The following DPP10 variants were observed in gnomAD, a reference collection of about 807,000 sequenced individuals.
DPP10 encodes the protein inactive dipeptidyl peptidase 10.
In DPP10, 33 loss-of-function variants were observed where a neutral mutation model predicts 120.9. The observed-to-expected ratio is 0.27, with a 90% CI of 0.21 to 0.37. The LOEUF is 0.37. DPP10 is among the 10% of genes least tolerant of loss of function. The pLI, the probability that DPP10 is intolerant of heterozygous loss-of-function variation, is 1.00. For missense variants in DPP10, 816 were observed against 942.8 expected (o/e 0.87, Z 1.76); for synonymous variants, 337 against 326.1 (o/e 1.03, Z -0.36).
At chr2:115,804,931 T>C (rs1685738500) in intron 19 of DPP10, among the ~76,000 whole-genome samples, 1 of 152,220 alleles carries the variant, frequency 6.6e-6, no homozygotes, top group African/African-American at 2.4e-5. Context: ...AGCTGCATGC[T>C]GGGAAAACTA....
At chr2:114,598,195 G>C (rs886885061) in intron 1 of DPP10, among the ~76,000 whole-genome samples, 1 of 151,922 alleles carries the variant, frequency 6.6e-6, no homozygotes, top group Non-Finnish European at 1.5e-5. Flanking sequence ...ATATGATACA[G>C]GGCTAAAGTG....
intron 1 of DPP10, among the ~76,000 whole-genome samples, chr2:115,096,222 G>A (rs561474763): frequency 3.9e-5 from 6 of 152,166 alleles, no homozygotes; most frequent in East Asian, 1.9e-4. Context: ...TAAAGCAGAC[G>A]TAAATAATAT....
intron 1 of DPP10, among the ~76,000 whole-genome samples, chr2:114,862,905 A>G (rs1689932786): frequency 1.1e-5 from 1 of 91,810 alleles, no homozygotes; most frequent in South Asian, 4.9e-4. Flanking sequence ...CAAAAAAAAA[A>G]AAAAAAAACC....
intron 3 of DPP10, among the ~76,000 whole-genome samples, chr2:115,493,568 A>G (rs1371511318): frequency 2.0e-5 from 3 of 151,864 alleles, no homozygotes; most frequent in Non-Finnish European, 2.9e-5. Flanking sequence ...TTGTTTAGAT[A>G]GCAATTGAGA....
At chr2:115,004,922 G>A (rs1701708307) in intron 1 of DPP10, among the ~76,000 whole-genome samples, 1 of 152,138 alleles carries the variant, frequency 6.6e-6, no homozygotes, top group Non-Finnish European at 1.5e-5. Context: ...GCAGGGCACA[G>A]ACAAACAAAA....
chr2:115,663,372 A>T (rs193239912), intron 5 of DPP10, among the ~76,000 whole-genome samples: 1 of 152,190 alleles, frequency 6.6e-6, no homozygotes, highest in Non-Finnish European at 1.5e-5. Context: ...TGCCTAATGC[A>T]TATGCATTCC....
At chr2:115,470,330 G>A (rs971044084) in intron 3 of DPP10, among the ~76,000 whole-genome samples, 2 of 152,114 alleles carry the variant, frequency 1.3e-5, no homozygotes, top group Non-Finnish European at 2.9e-5. Context: ...ACAACCCAAC[G>A]TTTTAATGTG....
At chr2:115,231,629 A>G (rs925518982) in intron 1 of DPP10, among the ~76,000 whole-genome samples, 2 of 152,198 alleles carry the variant, frequency 1.3e-5, no homozygotes, top group Non-Finnish European at 2.9e-5. Context: ...AATTTCGCCT[A>G]TAACATCACT....
intron 1 of DPP10, among the ~76,000 whole-genome samples, chr2:114,925,053 T>C (rs1695508221): frequency 6.6e-6 from 1 of 151,764 alleles, no homozygotes; most frequent in Admixed American, 6.6e-5. Context: ...CTACTAAAAA[T>C]ACAAAAAATT....
chr2:115,110,838 A>T (rs771510190), intron 1 of DPP10, among the ~76,000 whole-genome samples: 2 of 152,134 alleles, frequency 1.3e-5, no homozygotes, highest in Non-Finnish European at 2.9e-5. Flanking sequence ...AAGTTTAATG[A>T]CATAGTGACT....
chr2:115,040,939 T>C (rs184635060), intron 1 of DPP10, among the ~76,000 whole-genome samples: 1 of 151,928 alleles, frequency 6.6e-6, no homozygotes, highest in East Asian at 1.9e-4. Context: ...GCCAACATGA[T>C]GAAGCTCCGT....
intron 1 of DPP10, among the ~76,000 whole-genome samples, chr2:114,669,466 T>C (rs1698172235): frequency 6.6e-6 from 1 of 152,170 alleles, no homozygotes; most frequent in African/African-American, 2.4e-5. Context: ...GACTCCCTTA[T>C]GTCAATGAAG....
At chr2:115,442,180 T>G (rs1455511917) in intron 3 of DPP10, among the ~76,000 whole-genome samples, 1 of 152,062 alleles carries the variant, frequency 6.6e-6, no homozygotes, top group African/African-American at 2.4e-5. Context: ...TGTACTCTGT[T>G]AAGGTCCTAG....
intron 1 of DPP10, among the ~76,000 whole-genome samples, chr2:115,001,870 A>C (rs531315008): frequency 6.6e-6 from 1 of 152,278 alleles, no homozygotes; most frequent in South Asian, 2.1e-4. Context: ...CACTGCTCAA[A>C]GAAATCAGAG....
At chr2:115,419,329 G>C (rs2069723108) in intron 3 of DPP10, among the ~76,000 whole-genome samples, 1 of 152,170 alleles carries the variant, frequency 6.6e-6, no homozygotes, top group Admixed American at 6.5e-5. Flanking sequence ...AAGAAGCATG[G>C]TGTCAGTATC....
At chr2:114,708,626 C>A (rs998980796) in intron 1 of DPP10, among the ~76,000 whole-genome samples, 2 of 152,178 alleles carry the variant, frequency 1.3e-5, no homozygotes, top group African/African-American at 2.4e-5. Context: ...AGGTGTACAT[C>A]ACTGTGGTAA....
At chr2:115,812,665 G>A (rs961849817) in intron 19 of DPP10, among the ~76,000 whole-genome samples, 5 of 152,140 alleles carry the variant, frequency 3.3e-5, no homozygotes, top group African/African-American at 1.2e-4. Context: ...GGCAAACACT[G>A]TGGAAAGACA....
chr2:115,468,765 C>T, intron 3 of DPP10: 1 of 430,860 alleles, frequency 2.3e-6, no homozygotes, highest in Non-Finnish European at 4.5e-6. Context: ...CCTGAGTTTG[C>T]TGCTACTCAG....
intron 1 of DPP10, among the ~76,000 whole-genome samples, chr2:114,507,191 G>A (rs115188268): frequency 1.2e-3 from 178 of 152,002 alleles, no homozygotes; most frequent in African/African-American, 3.7e-3. Flanking sequence ...GAGACTACAG[G>A]CATGCACTAC....
Sources: gnomAD v4.1 joint callset for allele counts (sites outside exome capture counted in the v4.1 genomes callset) on GRCh38, gnomAD v4.1.1 for gene constraint, MANE v1.5 for transcripts, NCBI Gene and HGNC (gene_info 2026-07-23, HGNC 2026-07-21) for gene names.